The following ACOT7 variants were observed in gnomAD, a reference collection of about 807,000 sequenced individuals.
ACOT7 encodes cytosolic acyl coenzyme A thioester hydrolase.
A neutral mutation model predicts 40.2 loss-of-function variants in ACOT7; 12 were observed. The observed-to-expected ratio is 0.30, with a 90% CI of 0.19 to 0.48. ACOT7 has a LOEUF of 0.48. Ranked by LOEUF, ACOT7 falls within the 20% of genes least tolerant of loss-of-function variation. ACOT7 has a pLI of 0.99. For synonymous variants in ACOT7, 228 were observed against 219.5 expected (o/e 1.04, Z -0.34); for missense variants, 395 against 530.8 (o/e 0.74, Z 2.51).
At chr1:6,354,294 A>G (rs1157485559) in intron 1 of ACOT7, among the ~76,000 whole-genome samples, 1 of 152,106 alleles carries the variant, frequency 6.6e-6, no homozygotes, top group East Asian at 1.9e-4. Context: ...TCCCAGAGGA[A>G]GTGACACCTT....
chr1:6,346,258 C>T (rs1641418085), intron 2 of ACOT7, among the ~76,000 whole-genome samples: 2 of 152,234 alleles, frequency 1.3e-5, no homozygotes, highest in African/African-American at 2.4e-5. Context: ...CAGGCCACCA[C>T]ACCTGGCTAA....
At chr1:6,321,395 G>A (rs1256443120) in intron 5 of ACOT7, among the ~76,000 whole-genome samples, 2 of 152,144 alleles carry the variant, frequency 1.3e-5, no homozygotes, top group Admixed American at 6.5e-5. Flanking sequence ...CAAGTGTCAC[G>A]CTCAAGCCTG....
chr1:6,344,763 CAAAAAAAA>C (rs58594477), intron 2 of ACOT7, among the ~76,000 whole-genome samples: 35 of 56,044 alleles, frequency 6.2e-4, no homozygotes, highest in South Asian at 3.4e-3. Flanking sequence ...GACTCTGTCT[CAAAAAAAA>C]AAAAAAAAAA....
rs942706603 is a variant in ACOT7, at chr1:6,275,470, C to T, written c.1014+5632G>A. On this transcript the variant is annotated intron_variant, in intron 8 of 8. Transcript: ENST00000361521. This position sits in a 1 kb window ranked among gnomAD's most constrained non-coding sequence, Gnocchi z 5.6. ...CAGCTAGGCCAGGCGCGGTAGCTCACGCCTGTAATCCTAGCACTTTGGGAG... is the reference window on the plus strand; with the variant it reads ...CAGCTAGGCCAGGCGCGGTAGCTCATGCCTGTAATCCTAGCACTTTGGGAG... 3.3e-5 allele frequency among the ~76,000 whole-genome samples: 5 copies of T among 152,116 alleles called. No homozygotes were observed. The highest frequency in any genetic ancestry group is 5.9e-5 in the Non-Finnish European group (4 of 68,016).
intron 2 of ACOT7, among the ~76,000 whole-genome samples, chr1:6,340,820 G>A (rs565298882): frequency 1.3e-5 from 2 of 152,146 alleles, no homozygotes; most frequent in South Asian, 4.2e-4. Context: ...CGGATCACAT[G>A]AGGCCAGGAG....
At chr1:6,371,344 C>T (rs1428184197) in intron 1 of ACOT7, among the ~76,000 whole-genome samples, 1 of 148,810 alleles carries the variant, frequency 6.7e-6, no homozygotes, top group Non-Finnish European at 1.5e-5. Flanking sequence ...AAGCCCCTAA[C>T]AAGAGAGTCA....
chr1:6,364,063 CA>C (rs1641948801), intron 1 of ACOT7, among the ~76,000 whole-genome samples: 3 of 152,058 alleles, frequency 2.0e-5, no homozygotes, highest in African/African-American at 7.2e-5. Flanking sequence ...GACCTTGTCT[CA>C]AAAAAGGCTA....
At chr1:6,307,846 GGGCAGAGGGAACCACAAACA>G (rs1359615135) in intron 6 of ACOT7, among the ~76,000 whole-genome samples, 1 of 145,780 alleles carries the variant, frequency 6.9e-6, no homozygotes, top group Non-Finnish European at 1.5e-5. Flanking sequence ...AACTACAACT[GGGCAGAGGGAACCACAAACA>G]GGCAGAGGGA....
At chr1:6,285,322 C>T (rs1639472321) in intron 7 of ACOT7, among the ~76,000 whole-genome samples, 1 of 152,220 alleles carries the variant, frequency 6.6e-6, no homozygotes, top group African/African-American at 2.4e-5. Context: ...CAGCCCCTTC[C>T]AAGCCCTGCT....
chr1:6,364,099 C>G (rs1019660640), intron 1 of ACOT7, among the ~76,000 whole-genome samples: 2 of 152,156 alleles, frequency 1.3e-5, no homozygotes, highest in African/African-American at 4.8e-5. Flanking sequence ...CACCTGTAAT[C>G]CCACCACTTT....
chr1:6,351,047 T>C (rs1365047914), intron 1 of ACOT7, among the ~76,000 whole-genome samples: 1 of 152,250 alleles, frequency 6.6e-6, no homozygotes, highest in African/African-American at 2.4e-5. Context: ...GGAGAATTTT[T>C]CCCTTTTTGG....
At chr1:6,312,735 T>C (rs1356339499) in intron 6 of ACOT7, among the ~76,000 whole-genome samples, 2 of 152,206 alleles carry the variant, frequency 1.3e-5, no homozygotes, top group Non-Finnish European at 2.9e-5. Flanking sequence ...CCCAAAGTGC[T>C]GGGACTACAG....
chr1:6,276,884 C>T (rs1277942528), intron 8 of ACOT7, among the ~76,000 whole-genome samples: 3 of 152,134 alleles, frequency 2.0e-5, no homozygotes, highest in Non-Finnish European at 2.9e-5. Flanking sequence ...CATGACGCGG[C>T]CACACCCAGG....
In ACOT7 at chr1:6,288,564, T is replaced by C. The variant is rs1639572569; in HGVS notation, c.829+6300A>G. On this transcript the variant is annotated intron_variant, in intron 7 of 8. Transcript: ENST00000361521. The surrounding 1 kb of genome is among the most constrained non-coding windows in gnomAD (Gnocchi z 4.3). ...TGTGAGCAGAGGAATAGCAGGTCCC[T>C]AGCGTCAAAAGGCTGTGACAATGGA... 6.6e-6 allele frequency among the ~76,000 whole-genome samples: 1 copy of C among 152,144 alleles called. No individual in the cohort carries two copies. Among genetic ancestry groups the C allele is most frequent in the Non-Finnish European group, 1.5e-5 (1 of 68,014 alleles).
At position 6,288,821 on chromosome 1, in the gene ACOT7, G is replaced by C. The variant is rs1639584521; in HGVS notation, c.829+6043C>G. On this transcript the variant is annotated intron_variant, in intron 7 of 8. Coordinates refer to ENST00000361521, the MANE Select transcript of ACOT7 (RefSeq NM_007274.4). The surrounding 1 kb of genome is among the most constrained non-coding windows in gnomAD (Gnocchi z 4.3). ...TTCCTCCTAGGCACACACCCTTCGT[G>C]GCTGAAACTCAAAGTTATCTTCTGA... is the stretch of plus-strand genomic sequence containing the variant. Among the ~76,000 whole-genome samples the C allele has an allele frequency of 6.6e-6, 1 of 152,198 alleles. No individual in the cohort carries two copies. Among genetic ancestry groups the C allele is most frequent in the Non-Finnish European group, 1.5e-5 (1 of 68,040 alleles).
At chr1:6,268,740 G>C (rs952297106) in intron 8 of ACOT7, among the ~76,000 whole-genome samples, 8 of 152,360 alleles carry the variant, frequency 5.3e-5, no homozygotes, top group African/African-American at 1.9e-4. Flanking sequence ...GCTTCATACA[G>C]CCCGGTCCTC....
Position 6,383,982 on chromosome 1 carries a change from G to A in ACOT7, c.143+9275C>T, listed in dbSNP as rs549426298. ...GCCTCCCAAAGTGCTGGGATTACAG[G>A]TGTGAGCCACCACGCCCAGCCAACA... On this transcript the variant is annotated intron_variant, in intron 1 of 8. Transcript: ENST00000361521. 6.7e-4 allele frequency among the ~76,000 whole-genome samples: 102 copies of A among 151,948 alleles called. 3 individuals carry two copies. The highest frequency in any genetic ancestry group is 1.3e-3 in the Non-Finnish European group (87 of 67,904).
chr1:6,316,284 G>A (rs1212033135), intron 6 of ACOT7, among the ~76,000 whole-genome samples: 1 of 152,190 alleles, frequency 6.6e-6, no homozygotes, highest in African/African-American at 2.4e-5. Flanking sequence ...AGACATGGGG[G>A]CAGTAAGGAA....
In ACOT7 at chr1:6,358,686, T is replaced by C; in HGVS notation, c.144-8820A>G. ...AGGCCAGGTGGGTGCCCTACTGCCCTTCCTGGCTGCATGACACCAGCCAGC... is the reference window on the plus strand; with the variant it reads ...AGGCCAGGTGGGTGCCCTACTGCCCCTCCTGGCTGCATGACACCAGCCAGC... On this transcript the variant is annotated intron_variant, in intron 1 of 8. Transcript: ENST00000361521. This position sits in a 1 kb window ranked among gnomAD's most constrained non-coding sequence, Gnocchi z 4.1. The C allele has an allele frequency of 2.4e-6, 2 of 840,492 alleles. No individual in the cohort carries two copies. The highest frequency in any genetic ancestry group is 3.8e-6 in the Non-Finnish European group (2 of 523,612). 52.1% of individuals were successfully genotyped at this position (840,492 alleles called of 1,614,324 possible). A position where few individuals can be genotyped will look rare whatever the true frequency, so the allele number is the denominator to read the frequency against.
Sources: gnomAD v4.1 joint callset for allele counts (sites outside exome capture counted in the v4.1 genomes callset) on GRCh38, gnomAD v4.1.1 for gene constraint, Gnocchi (gnomAD v3.1) non-coding constraint, MANE v1.5 for transcripts, NCBI Gene and HGNC (gene_info 2026-07-23, HGNC 2026-07-21) for gene names.